SLC1A2: variants seen among roughly 807,000 people sequenced by gnomAD.
SLC1A2 encodes the protein excitatory amino acid transporter 2.
SLC1A2 carries 15 observed loss-of-function variants against 48.8 expected under a neutral mutation model. That is an observed-to-expected ratio of 0.31 (90% CI 0.21 to 0.47). The LOEUF is 0.47. Ranked by LOEUF, SLC1A2 falls within the 20% of genes least tolerant of loss-of-function variation. The pLI is 0.99. For synonymous variants in SLC1A2, 279 were observed against 272.6 expected (o/e 1.02, Z -0.23); for missense variants, 502 against 730.5 (o/e 0.69, Z 3.61).
At chr11:35,290,728 T>C (rs1199727704) in intron 7 of SLC1A2, among the ~76,000 whole-genome samples, 1 of 30,932 alleles carries the variant, frequency 3.2e-5, no homozygotes, top group Admixed American at 4.7e-4. Context: ...TTTTTTTTTT[T>C]CTCTTTTTCT....
chr11:35,267,822 T>G (rs1301505757), intron 9 of SLC1A2, among the ~76,000 whole-genome samples: 1 of 152,176 alleles, frequency 6.6e-6, no homozygotes, highest in African/African-American at 2.4e-5. Context: ...CTGCCTCTCC[T>G]TCTGTTCCTA....
chr11:35,378,780 T>C (rs887633900), intron 1 of SLC1A2, among the ~76,000 whole-genome samples: 2 of 152,202 alleles, frequency 1.3e-5, no homozygotes, highest in Admixed American at 6.5e-5. Flanking sequence ...GCTCTATGAA[T>C]AGTTGTCTAT....
At chr11:35,304,519 C>T (rs1243298847) in intron 5 of SLC1A2, among the ~76,000 whole-genome samples, 1 of 152,114 alleles carries the variant, frequency 6.6e-6, no homozygotes, top group African/African-American at 2.4e-5. Context: ...CTACTCCTCG[C>T]TCCTTCCACC....
intron 1 of SLC1A2, chr11:35,360,161 C>T: frequency 1.2e-6 from 1 of 841,894 alleles, no homozygotes; most frequent in Non-Finnish European, 1.4e-6. Flanking sequence ...TAAAGTTTAC[C>T]TACCCAGTGT....
chr11:35,307,620 A>G (rs1400820131), intron 4 of SLC1A2, among the ~76,000 whole-genome samples: 2 of 152,228 alleles, frequency 1.3e-5, no homozygotes, highest in African/African-American at 4.8e-5. Flanking sequence ...ACGGAAGAAG[A>G]TGTACGGGAA....
intron 1 of SLC1A2, chr11:35,399,598 T>C (rs1855078170): frequency 3.0e-6 from 3 of 984,624 alleles, no homozygotes; most frequent in African/African-American, 1.7e-5. Flanking sequence ...TGCCTGCAGA[T>C]AGATGATGCG....
At chr11:35,403,825 C>T (rs1855201759) in intron 1 of SLC1A2, among the ~76,000 whole-genome samples, 1 of 151,700 alleles carries the variant, frequency 6.6e-6, no homozygotes, top group African/African-American at 2.4e-5. Context: ...TAATTTAATG[C>T]CCCCTAACCA....
chr11:35,322,949 G>A (rs1312502320), intron 1 of SLC1A2: 2 of 599,804 alleles, frequency 3.3e-6, no homozygotes, highest in African/African-American at 3.7e-5. Flanking sequence ...GATCCTGTAA[G>A]ACCTGCCTTA....
intron 1 of SLC1A2, among the ~76,000 whole-genome samples, chr11:35,388,642 G>T (rs190417042): frequency 4.6e-5 from 7 of 152,190 alleles, no homozygotes; most frequent in South Asian, 2.1e-4. Flanking sequence ...TGATCCTCCC[G>T]CCTCGGCCTC....
chr11:35,281,108 C>T (rs1332868752), intron 8 of SLC1A2, 107 bp from the exon 9 acceptor site: 1 of 1,416,088 alleles, frequency 7.1e-7, no homozygotes, highest in Non-Finnish European at 9.3e-7. Context: ...ATTCATCCCC[C>T]AACCCCCACC....
intron 2 of SLC1A2, chr11:35,316,854 G>A (rs1412462148): frequency 6.5e-6 from 1 of 152,966 alleles, no homozygotes; most frequent in African/African-American, 2.4e-5. Flanking sequence ...TGGAGCTGGA[G>A]CAGATCAAGG....
intron 3 of SLC1A2, among the ~76,000 whole-genome samples, chr11:35,312,971 T>G (rs1851754627): frequency 6.6e-6 from 1 of 152,244 alleles, no homozygotes; most frequent in Admixed American, 6.5e-5. Context: ...ATCCTCCTGT[T>G]TAGAGTTTAC....
At chr11:35,367,905 A>G (rs894241745) in intron 1 of SLC1A2, among the ~76,000 whole-genome samples, 3 of 152,220 alleles carry the variant, frequency 2.0e-5, no homozygotes, top group African/African-American at 7.2e-5. Context: ...TAGAGGGTGG[A>G]AGTGAAAATG....
chr11:35,320,009 A>T (rs527264688), intron 1 of SLC1A2, among the ~76,000 whole-genome samples: 6 of 152,326 alleles, frequency 3.9e-5, no homozygotes, highest in African/African-American at 1.4e-4. Flanking sequence ...AAAAATTCTG[A>T]CTAATCTAAA....
intron 3 of SLC1A2, among the ~76,000 whole-genome samples, chr11:35,314,787 T>C (rs1290083253): frequency 2.0e-5 from 3 of 149,838 alleles, no homozygotes; most frequent in African/African-American, 7.3e-5. Context: ...TTTCTTTTCT[T>C]TTTTTTTTTT....
intron 1 of SLC1A2, among the ~76,000 whole-genome samples, chr11:35,402,294 G>T (rs1280929843): frequency 2.6e-5 from 4 of 152,086 alleles, no homozygotes; most frequent in African/African-American, 7.2e-5. Context: ...GCTGGAGATT[G>T]TGTTAATCAC....
intron 1 of SLC1A2, among the ~76,000 whole-genome samples, chr11:35,345,284 C>T (rs989735694): frequency 2.0e-5 from 3 of 152,204 alleles, no homozygotes; most frequent in Non-Finnish European, 4.4e-5. Context: ...GCAGACCTTG[C>T]TCCTGCTTTT....
intron 9 of SLC1A2, among the ~76,000 whole-genome samples, chr11:35,274,365 T>A (rs1265298991): frequency 6.6e-6 from 1 of 151,998 alleles, no homozygotes; most frequent in East Asian, 1.9e-4. Context: ...AAGGACTTAG[T>A]GGAAAAGGGG....
At chr11:35,393,547 T>TC (rs1186677900) in intron 1 of SLC1A2, among the ~76,000 whole-genome samples, 4 of 152,182 alleles carry the variant, frequency 2.6e-5, no homozygotes, top group Non-Finnish European at 5.9e-5. Context: ...TCTTCACTTC[T>TC]TTCCACTGCC....
Sources: allele counts gnomAD v4.1 joint callset (sites outside exome capture counted in the v4.1 genomes callset), GRCh38; gene constraint gnomAD v4.1.1; transcripts MANE v1.5; gene names NCBI Gene and HGNC (gene_info 2026-07-23, HGNC 2026-07-21).